TRMT13: variants seen among roughly 807,000 people sequenced by gnomAD.
TRMT13 encodes tRNA:m(4)X modification enzyme TRM13 homolog.
In TRMT13, 45 loss-of-function variants were observed where a neutral mutation model predicts 55.9. The ratio of observed to expected loss-of-function variants is 0.80; its 90% CI spans 0.63 to 1.03. TRMT13 has a LOEUF of 1.03. TRMT13 is among the 50% of genes least tolerant of loss of function. TRMT13 has a pLI of 0.00. For missense variants in TRMT13, 513 were observed against 563.9 expected, an observed-to-expected ratio of 0.91 and a Z score of 0.91; for synonymous variants, 183 against 196.3, an observed-to-expected ratio of 0.93 and a Z score of 0.57.
intron 7 of TRMT13, among the ~76,000 whole-genome samples, chr1:100,141,425 G>T (rs975060342): frequency 1.3e-5 from 2 of 152,084 alleles, no homozygotes; most frequent in African/African-American, 4.8e-5. Flanking sequence ...GACCTCCTGG[G>T]CTCATATAAT....
intron 9 of TRMT13, 28 bp downstream of exon 9, chr1:100,144,171 A>G: frequency 6.3e-7 from 1 of 1,576,252 alleles, no homozygotes; most frequent in Non-Finnish European, 8.7e-7. Flanking sequence ...TAATGTTTAC[A>G]TTAATGCATT....
intron 10 of TRMT13, 142 bp from the exon 11 acceptor site, chr1:100,148,483 T>C (rs1657576656): frequency 9.4e-7 from 1 of 1,061,570 alleles, no homozygotes; most frequent in Non-Finnish European, 1.4e-6. Context: ...GTCATAAATA[T>C]AATGTGTCTT....
chr1:100,143,139 G>A lies in TRMT13; in HGVS notation c.672G>A (p.Val224=), dbSNP rs1429083225. The change falls in exon 8 of 11, where the codon GTG becomes GTA. Residue 224 remains valine (V), a splice_region_variant and synonymous_variant. Transcript: ENST00000370141. ...ACAATAATGTTCTGTTTGTGCAGGT[G>A]GATGGAAAACACAGAAAGAAAAATT... ...LVEKVTTRFK[V]DGKHRKKNSV... 6.2e-7 allele frequency: 1 copy of A among 1,603,496 alleles called. No individual in the cohort carries two copies. Among genetic ancestry groups the A allele is most frequent in the Non-Finnish European group, 8.5e-7 (1 of 1,172,174 alleles).
chr1:100,145,493 C>T (rs532258456), intron 9 of TRMT13, among the ~76,000 whole-genome samples: 81 of 152,122 alleles, frequency 5.3e-4, no homozygotes, highest in Non-Finnish European at 8.4e-4. Flanking sequence ...ATTCCATTTT[C>T]TTCTCTTTTG....
intron 1 of TRMT13, among the ~76,000 whole-genome samples, chr1:100,136,547 AT>A (rs879605514): frequency 1.1e-4 from 16 of 152,292 alleles, no homozygotes; most frequent in Non-Finnish European, 2.2e-4. Flanking sequence ...AATAGGCAGC[AT>A]TTTTTTCTTT....
At position 100,148,333 on chromosome 1, in the gene TRMT13, G is replaced by A; in HGVS notation, c.1250+7G>A. On this transcript the variant is annotated splice_region_variant and intron_variant, in intron 10 of 10. Transcript: ENST00000370141. ...GCGCTGATTGTTTGCCTGGGTAAGA[G>A]ACTACTTTTGTAATGCATGATACTA... is the stretch of plus-strand genomic sequence containing the variant. 1 of 1,609,480 alleles carries A rather than the reference G, an allele frequency of 6.2e-7. No individual in the cohort carries two copies. Among genetic ancestry groups the A allele is most frequent in the Non-Finnish European group, 8.5e-7 (1 of 1,177,712 alleles).
In TRMT13 at chr1:100,136,908, G is replaced by A; in HGVS notation, c.174G>A (p.Leu58=). Residue 58 remains leucine (L), a synonymous_variant, in exon 2 of 11, where the codon CTG becomes CTA. Coordinates refer to ENST00000370141, the MANE Select transcript of TRMT13 (RefSeq NM_019083.3). ...AAGAAGATGCTCGGAAAAGAATCCTGTGTCCTTTAGATCCAAAACAGTAAG... is the reference window on the plus strand; with the variant it reads ...AAGAAGATGCTCGGAAAAGAATCCTATGTCCTTTAGATCCAAAACAGTAAG... ...AEEEDARKRI[L]CPLDPKHTVY... The A allele has an allele frequency of 6.2e-7, 1 of 1,601,872 alleles. No individual in the cohort carries two copies. Among genetic ancestry groups the A allele is most frequent in the East Asian group, 2.2e-5 (1 of 44,648 alleles).
Position 100,133,329 on chromosome 1 carries a change from C to G in TRMT13, c.147+14C>G, listed in dbSNP as rs747589161. 6.2e-7 allele frequency: 1 copy of G among 1,613,222 alleles called. No homozygotes were observed. Among genetic ancestry groups the G allele is most frequent in the Non-Finnish European group, 8.5e-7 (1 of 1,179,566 alleles). On this transcript the variant is annotated intron_variant, in intron 1 of 10. Transcript: ENST00000370141. ...GGAGCCGCGGAGGTGTGGTATCGCC[C>G]TACTCTCTCAAGAGTCGGAAATAAG...
In TRMT13 at chr1:100,140,419, A is replaced by T. The variant is rs1656453419; in HGVS notation, c.406A>T (p.Thr136Ser). Residue 136 changes from threonine (T) to serine (S), a missense_variant, in exon 6 of 11, where the codon ACA becomes TCA. By Grantham distance (58) the Thr-to-Ser change is moderately conservative. This residue lies in a region of TRMT13 where 298 missense variants were observed against 290.3 expected (regional missense o/e 1.03). Transcript: ENST00000370141. ...TATATTTGGCACAGGCTTGAATTCT[A>T]CACTTAAAGATCATATTATGTCCCA... ...LRKASEGLNS[T>S]LKDHIMSHPA... The T allele has an allele frequency of 6.2e-7, 1 of 1,613,200 alleles. No homozygotes were observed. The highest frequency in any genetic ancestry group is 8.5e-7 in the Non-Finnish European group (1 of 1,179,692).
At position 100,148,460 on chromosome 1, in the gene TRMT13, A is replaced by G. The variant is rs1657573312; in HGVS notation, c.1250+134A>G. The G allele has an allele frequency of 4.5e-6, 5 of 1,111,090 alleles. No homozygotes were observed. The African/African-American group carries it at 4.8e-5, about 11-fold the overall frequency. The allele number at this position is 1,111,090 out of a possible 1,614,324, so 68.8% of individuals were successfully genotyped here. On this transcript the variant is annotated intron_variant, in intron 10 of 10. Coordinates refer to ENST00000370141, the MANE Select transcript of TRMT13 (RefSeq NM_019083.3). ...TTTTAGAATAAGCTAAAATATACACATCTTTTATTGTGGTCATAAATATAA... is the reference window on the plus strand; with the variant it reads ...TTTTAGAATAAGCTAAAATATACACGTCTTTTATTGTGGTCATAAATATAA...
At chr1:100,140,296 A>C (rs1372160781) in intron 5 of TRMT13, 45 bp downstream of exon 5, 3 of 1,570,378 alleles carry the variant, frequency 1.9e-6, no homozygotes. Flanking sequence ...TAGAGTAATT[A>C]GGTGGTATAT....
Position 100,149,244 on chromosome 1 carries a change from G to C in TRMT13, c.*424G>C. On this transcript the variant is annotated 3_prime_UTR_variant, in exon 11 of 11. Coordinates refer to ENST00000370141, the MANE Select transcript of TRMT13 (RefSeq NM_019083.3). ...TTGATTGTAACAAGGGCCAATCTGA[G>C]AATTTGACTTATATGTGGACATTTT... 6.7e-7 allele frequency: 1 copy of C among 1,503,684 alleles called. No homozygotes were observed. 93.1% of individuals were successfully genotyped at this position (1,503,684 alleles called of 1,614,324 possible).
At chr1:100,139,608 C>T (rs1656341525) in intron 3 of TRMT13, 41 bp from the exon 4 acceptor site, 1 of 1,249,004 alleles carries the variant, frequency 8.0e-7, no homozygotes, top group Non-Finnish European at 1.2e-6. Flanking sequence ...TTGTGAGCTA[C>T]ACATTATTAA....
chr1:100,145,119 G>A (rs1657075583), intron 9 of TRMT13, among the ~76,000 whole-genome samples: 1 of 152,146 alleles, frequency 6.6e-6, no homozygotes, highest in Non-Finnish European at 1.5e-5. Flanking sequence ...GTAACATGCT[G>A]TACAGGTTTG....
At chr1:100,133,571 A>G (rs61732876) in intron 1 of TRMT13, among the ~76,000 whole-genome samples, 2 of 152,170 alleles carry the variant, frequency 1.3e-5, no homozygotes, top group African/African-American at 4.8e-5. Context: ...ATCTTAACTC[A>G]TGGTAATGCT....
At position 100,147,924 on chromosome 1, in the gene TRMT13, A is replaced by G. The variant is rs763124068; in HGVS notation, c.848A>G (p.Tyr283Cys). ...DLALRCLVETYAASFEERNEE... is the reference protein window; with the variant it reads ...DLALRCLVETCAASFEERNEE... ...GCATTACGATGTTTGGTTGAAACCTATGCTGCCAGTTTTGAGGAAAGGAAT... is the reference window on the plus strand; with the variant it reads ...GCATTACGATGTTTGGTTGAAACCTGTGCTGCCAGTTTTGAGGAAAGGAAT... Residue 283 changes from tyrosine to cysteine, a missense_variant, in exon 10 of 11, where the codon TAT becomes TGT. Coordinates refer to ENST00000370141, the MANE Select transcript of TRMT13 (RefSeq NM_019083.3). The G allele has an allele frequency of 1.4e-5, 22 of 1,610,488 alleles. 1 individual carries two copies. The South Asian group carries it at 1.5e-4, about 11-fold the overall frequency.
At chr1:100,148,449 A>G (rs1427272972) in intron 10 of TRMT13, 123 bp downstream of exon 10, 1 of 1,157,142 alleles carries the variant, frequency 8.6e-7, no homozygotes, top group East Asian at 2.5e-5. Context: ...AGAATAAGCT[A>G]AAATATACAC....
At chr1:100,140,601 T>G (rs1338119205) in intron 6 of TRMT13, 87 bp downstream of exon 6, 1 of 1,090,582 alleles carries the variant, frequency 9.2e-7, no homozygotes, top group African/African-American at 1.6e-5. Context: ...AAGATTTTAT[T>G]TTGTTTACCT....
chr1:100,138,793 C>G (rs1639467308), intron 3 of TRMT13, among the ~76,000 whole-genome samples: 2 of 152,174 alleles, frequency 1.3e-5, no homozygotes, highest in Non-Finnish European at 2.9e-5. Context: ...AATTAAAAAT[C>G]TAGTTTCTCA....
Sources: allele counts gnomAD v4.1 joint callset (sites outside exome capture counted in the v4.1 genomes callset), GRCh38; gene constraint gnomAD v4.1.1; regional missense constraint gnomAD v4.1.1; transcripts MANE v1.5; gene names NCBI Gene and HGNC (gene_info 2026-07-23, HGNC 2026-07-21).